NYAP2: variants seen among roughly 807,000 people sequenced by gnomAD.
NYAP2 encodes neuronal tyrosine-phosphorylated phosphoinositide-3-kinase adaptor 2, also known as neuronal tyrosine-phosphorylated phosphoinositide-3-kinase adapter 2.
NYAP2 carries 23 observed loss-of-function variants against 50.4 expected under a neutral mutation model. That is an observed-to-expected ratio of 0.46 (90% CI 0.33 to 0.65). The LOEUF is 0.65. NYAP2 is among the 30% of genes least tolerant of loss of function. The pLI, the probability that NYAP2 is intolerant of heterozygous loss-of-function variation, is 0.02. For missense variants in NYAP2, 885 were observed against 861.0 expected (o/e 1.03, Z -0.35); for synonymous variants, 394 against 365.2 (o/e 1.08, Z -0.90).
At chr2:225,548,370 C>G (rs1486546512) in intron 4 of NYAP2, among the ~76,000 whole-genome samples, 1 of 149,798 alleles carries the variant, frequency 6.7e-6, no homozygotes, top group Non-Finnish European at 1.5e-5. Flanking sequence ...TCTTCTAGAA[C>G]TCCCTGAGAT....
chr2:225,463,045 G>A (rs1045837102), intron 3 of NYAP2, among the ~76,000 whole-genome samples: 8 of 152,220 alleles, frequency 5.3e-5, no homozygotes, highest in African/African-American at 1.9e-4. Flanking sequence ...GTGGAGACAG[G>A]TAAACTAGAG....
chr2:225,618,582 C>T (rs1408753122), intron 5 of NYAP2, among the ~76,000 whole-genome samples: 1 of 152,122 alleles, frequency 6.6e-6, no homozygotes, highest in Non-Finnish European at 1.5e-5. Context: ...TTAAGTATTC[C>T]CAAACAAGAA....
At chr2:225,480,117 C>A (rs1032668536) in intron 3 of NYAP2, among the ~76,000 whole-genome samples, 12 of 152,046 alleles carry the variant, frequency 7.9e-5, no homozygotes, top group Admixed American at 3.9e-4. Context: ...ACAATTGTTT[C>A]TGGCAGCCTG....
In NYAP2 at chr2:225,626,900, T is replaced by C; in HGVS notation, c.1619-17T>C. 1 of 1,539,844 alleles carries C rather than the reference T, an allele frequency of 6.5e-7. No homozygotes were observed. The highest frequency in any genetic ancestry group is 8.8e-7 in the Non-Finnish European group (1 of 1,134,082). Reference sequence around the variant, plus strand: ...TTTACTCTTGTTTAACAGAATGTAATTCTGGTTACTACACAGAATCAACAG... The same window carrying C: ...TTTACTCTTGTTTAACAGAATGTAACTCTGGTTACTACACAGAATCAACAG... On this transcript the variant is annotated splice_polypyrimidine_tract_variant and intron_variant, in intron 5 of 6. Coordinates refer to ENST00000636099, the Ensembl canonical transcript of NYAP2.
intron 4 of NYAP2, among the ~76,000 whole-genome samples, chr2:225,564,505 A>G: frequency 6.6e-6 from 1 of 151,946 alleles, no homozygotes; most frequent in East Asian, 1.9e-4. Flanking sequence ...AATATAGAGA[A>G]AGGTAAACAG....
the NYAP2 span, among the ~76,000 whole-genome samples, chr2:225,661,076 T>C: frequency 6.6e-6 from 1 of 152,232 alleles, no homozygotes; most frequent in Non-Finnish European, 1.5e-5. Flanking sequence ...AAAGCATGAC[T>C]GGTTAAATGG....
At chr2:225,518,567 T>TATATATATATATATATATATAA (rs1203016686) in intron 4 of NYAP2, among the ~76,000 whole-genome samples, 1 of 25,508 alleles carries the variant, frequency 3.9e-5, no homozygotes, top group Non-Finnish European at 9.2e-5. Context: ...TATATATATA[T>TATATATATATATATATATATAA]ATTAGCGTGT....
At position 225,643,619 on chromosome 2, in the gene NYAP2, G is replaced by A. The variant is rs543236602; in HGVS notation, c.1829-7813G>A. On this transcript the variant is annotated intron_variant, in intron 6 of 6. Transcript: ENST00000636099. ...CTCCCCCACCCCACAACAGTCCCCA[G>A]AGTGTGATGTTCCCCTTCCTGTGTC... 7.1e-3 allele frequency among the ~76,000 whole-genome samples: 928 copies of A among 130,152 alleles called. 11 individuals carry two copies. The highest frequency in any genetic ancestry group is 0.027 in the African/African-American group (881 of 33,114). 85.4% of individuals were successfully genotyped at this position (130,152 alleles called of 152,430 possible). A position where few individuals can be genotyped will look rare whatever the true frequency, so the allele number is the denominator to read the frequency against.
At chr2:225,422,885 G>T (rs1033656186) in intron 3 of NYAP2, among the ~76,000 whole-genome samples, 1 of 152,080 alleles carries the variant, frequency 6.6e-6, no homozygotes, top group Admixed American at 6.6e-5. Flanking sequence ...ACTATGACTA[G>T]TATTCTTCCC....
the NYAP2 span, chr2:225,702,709 T>G: frequency 6.6e-6 from 1 of 151,756 alleles, no homozygotes; most frequent in African/African-American, 2.4e-5. Context: ...TTTAAAACTC[T>G]TTGATATTTG....
chr2:225,556,898 A>G (rs1559213647), intron 4 of NYAP2, among the ~76,000 whole-genome samples: 1 of 152,200 alleles, frequency 6.6e-6, no homozygotes, highest in Non-Finnish European at 1.5e-5. Context: ...ATAATGGCTA[A>G]TGCATGTCAA....
intron 6 of NYAP2, among the ~76,000 whole-genome samples, chr2:225,649,334 A>G (rs894405837): frequency 6.6e-6 from 1 of 152,190 alleles, no homozygotes; most frequent in Admixed American, 6.5e-5. Context: ...GTTGGAAAGT[A>G]AAGTCTGTGG....
At chr2:225,475,741 G>A (rs1690092773) in intron 3 of NYAP2, among the ~76,000 whole-genome samples, 1 of 152,164 alleles carries the variant, frequency 6.6e-6, no homozygotes, top group African/African-American at 2.4e-5. Context: ...AAATCTCCTA[G>A]TCTGGTTTTG....
intron 4 of NYAP2, among the ~76,000 whole-genome samples, chr2:225,558,619 A>T (rs979854696): frequency 2.6e-5 from 4 of 152,100 alleles, no homozygotes; most frequent in Non-Finnish European, 5.9e-5. Flanking sequence ...AATCCAGGCT[A>T]ATCTCCCCAT....
rs1347437081 is a variant in NYAP2 at position 225,593,981 on chromosome 2, A to G, written c.1618+10946A>G. 2.0e-5 allele frequency among the ~76,000 whole-genome samples: 3 copies of G among 152,332 alleles called. No homozygotes were observed. In the South Asian group the frequency reaches 6.2e-4, roughly 32 times the overall value. The stretch of plus-strand genomic sequence containing the variant: ...GCATGTTTGAAAGAATGGCCATTCC[A>G]TTCCAGGCAGATTTATTGGAGGGAA... On this transcript the variant is annotated intron_variant, in intron 5 of 6. Coordinates refer to ENST00000636099, the Ensembl canonical transcript of NYAP2.
intron 4 of NYAP2, among the ~76,000 whole-genome samples, chr2:225,551,711 A>T (rs577558378): frequency 6.6e-6 from 1 of 152,344 alleles, no homozygotes; most frequent in African/African-American, 2.4e-5. Context: ...GAGGTTGATA[A>T]AAAAGGTATT....
chr2:225,582,750 T>A lies in NYAP2; in HGVS notation c.1333T>A (p.Ser445Thr). 1 of 1,610,244 alleles carries A rather than the reference T, an allele frequency of 6.2e-7. No individual in the cohort carries two copies. Among genetic ancestry groups the A allele is most frequent in the Non-Finnish European group, 8.5e-7 (1 of 1,178,530 alleles). Residue 445 changes from serine (S) to threonine (T), a missense_variant, in exon 5 of 7, where the codon TCC becomes ACC. Coordinates refer to ENST00000636099, the Ensembl canonical transcript of NYAP2. The surrounding 1 kb of genome is among the most constrained non-coding windows in gnomAD (Gnocchi z 7.0). ...TCCCTCCCCCGTCAGCATGGGGAGG[T>A]CCCTGACTCCCCTGAGCCTCAAAAG... is the stretch of plus-strand genomic sequence containing the variant.
chr2:225,407,588 T>TA (rs1057184602), intron 2 of NYAP2, among the ~76,000 whole-genome samples: 2 of 151,948 alleles, frequency 1.3e-5, no homozygotes, highest in African/African-American at 4.8e-5. Context: ...ACTATACCTG[T>TA]AAAAAAATCA....
At chr2:225,552,398 GGACT>G (rs1361316218) in intron 4 of NYAP2, among the ~76,000 whole-genome samples, 1 of 152,150 alleles carries the variant, frequency 6.6e-6, no homozygotes, top group Non-Finnish European at 1.5e-5. Context: ...ATCCTGTGAT[GGACT>G]GACTGTTTAT....
Sources: gnomAD v4.1 joint callset for allele counts (sites outside exome capture counted in the v4.1 genomes callset) on GRCh38, gnomAD v4.1.1 for gene constraint, Gnocchi (gnomAD v3.1) non-coding constraint, MANE v1.5 for transcripts, NCBI Gene and HGNC (gene_info 2026-07-23, HGNC 2026-07-21) for gene names.